HIPK1: variants seen among roughly 807,000 people sequenced by gnomAD.
The protein encoded by HIPK1 is homeodomain interacting protein kinase 1.
In HIPK1, 28 loss-of-function variants were observed where a neutral mutation model predicts 117.1. The ratio of observed to expected loss-of-function variants is 0.24; its 90% CI spans 0.18 to 0.33. The LOEUF (loss-of-function observed/expected upper bound fraction) is 0.33, where lower values mean the gene tolerates loss of function less well. Among genes scored for constraint, HIPK1 ranks in the 10% least tolerant of loss-of-function variants. The pLI, the probability that HIPK1 is intolerant of heterozygous loss-of-function variation, is 1.00. For synonymous variants in HIPK1, 605 were observed against 562.5 expected (o/e 1.08, Z -1.07); for missense variants, 1,122 against 1,475.1 (o/e 0.76, Z 3.92).
Position 113,940,577 on chromosome 1 carries a change from T to G in HIPK1, c.194T>G (p.Phe65Cys). 6.2e-7 allele frequency: 1 copy of G among 1,614,066 alleles called. No individual in the cohort carries two copies. Among genetic ancestry groups the G allele is most frequent in the Non-Finnish European group, 8.5e-7 (1 of 1,180,000 alleles). Residue 65 changes from phenylalanine (F) to cysteine (C), a missense_variant, in exon 2 of 16, where the codon TTC becomes TGC. Transcript: ENST00000426820. ...AACTCCTCTCACCAGGTAGCAAATTTCAACATCCCTGCTTACGACCAGGGC... is the reference window on the plus strand; with the variant it reads ...AACTCCTCTCACCAGGTAGCAAATTGCAACATCCCTGCTTACGACCAGGGC... ...QANSSHQVAN[F>C]NIPAYDQGLL...
chr1:113,973,410 C>T lies in HIPK1; in HGVS notation c.3531C>T (p.His1177=), dbSNP rs767992651. Reference sequence around the variant, plus strand: ...GCGTGGCCCCTGCTCAGTACCAACACCAGTTTGCCACCCAATCCTACATTG... The same window carrying T: ...GCGTGGCCCCTGCTCAGTACCAACATCAGTTTGCCACCCAATCCTACATTG... ...SASVAPAQYQ[H]QFATQSYIGS... is the part of the protein sequence containing the mutation. Residue 1177 remains histidine, a synonymous_variant, in exon 16 of 16, where the codon CAC becomes CAT. Coordinates refer to ENST00000426820, the MANE Select transcript of HIPK1 (RefSeq NM_198268.3). 1.2e-6 allele frequency: 2 copies of T among 1,614,044 alleles called. No homozygotes were observed. The highest frequency in any genetic ancestry group is 1.3e-5 in the African/African-American group (1 of 74,930).
At position 113,938,111 on chromosome 1, in the gene HIPK1, TG is replaced by T. The variant is rs547018319; in HGVS notation, c.-2-2270del. ...TCCTGAGTAGCTGGGACCACAGGCATGTGCCACTTACACTTGGCTTTTTTTT... is the reference window on the plus strand; with the variant it reads ...TCCTGAGTAGCTGGGACCACAGGCATTGCCACTTACACTTGGCTTTTTTTT... On this transcript the variant is annotated intron_variant, in intron 1 of 15. Coordinates refer to ENST00000426820, the MANE Select transcript of HIPK1 (RefSeq NM_198268.3). Among the ~76,000 whole-genome samples, 97 of 150,596 alleles carry T rather than the reference TG, an allele frequency of 6.4e-4. 1 individual carries two copies. The highest frequency in any genetic ancestry group is 2.3e-3 in the African/African-American group (95 of 41,022).
In HIPK1 at chr1:113,973,225, G is replaced by A. The variant is rs750424986; in HGVS notation, c.3346G>A (p.Ala1116Thr). The A allele has an allele frequency of 1.2e-6, 2 of 1,613,978 alleles. No individual in the cohort carries two copies. The highest frequency in any genetic ancestry group is 1.1e-5 in the South Asian group (1 of 91,066). Residue 1116 changes from alanine to threonine, a missense_variant, in exon 16 of 16, where the codon GCC becomes ACC. Ala to Thr is a moderately conservative substitution (Grantham distance 58, BLOSUM62 0). Around this residue, in one of 6 missense-constraint regions of HIPK1, gnomAD observed 731 missense variants for 860.4 expected, o/e 0.85. Transcript: ENST00000426820. Reference sequence around the variant, plus strand: ...CCAGGCTCATCTGTATACGTATGCTGCCCCGACTTCTGCTGCTGCACTGGG... The same window carrying A: ...CCAGGCTCATCTGTATACGTATGCTACCCCGACTTCTGCTGCTGCACTGGG... ...PSQAHLYTYA[A>T]PTSAAALGST...
chr1:113,965,309 G>C (rs1296777095), intron 10 of HIPK1, among the ~76,000 whole-genome samples: 1 of 151,858 alleles, frequency 6.6e-6, no homozygotes, highest in Non-Finnish European at 1.5e-5. Flanking sequence ...AAAAATGCCA[G>C]AATTTCTGTG....
chr1:113,932,858 T>C (rs887317469), intron 1 of HIPK1, among the ~76,000 whole-genome samples: 1 of 152,238 alleles, frequency 6.6e-6, no homozygotes, highest in African/African-American at 2.4e-5. Flanking sequence ...GCAAAAGTCA[T>C]CTCATTCTTC....
chr1:113,929,774 C>T (rs1453477951), intron 1 of HIPK1: 31 of 915,466 alleles, frequency 3.4e-5, no homozygotes, highest in Non-Finnish European at 3.9e-5. Flanking sequence ...TGAGGAGGCT[C>T]CCCCTGCGGG....
At chr1:113,942,354 C>T (rs1558129599) in intron 2 of HIPK1, among the ~76,000 whole-genome samples, 1 of 152,218 alleles carries the variant, frequency 6.6e-6, no homozygotes, top group Non-Finnish European at 1.5e-5. Context: ...CCATGCCCAG[C>T]CATTTTCCCA....
At chr1:113,968,330 A>G (rs1672590065) in intron 12 of HIPK1, 112 bp from the exon 13 acceptor site, 9 of 793,226 alleles carry the variant, frequency 1.1e-5, no homozygotes, top group Admixed American at 3.8e-5. Context: ...TATTTGCTTA[A>G]TGATTATGTA....
intron 1 of HIPK1, among the ~76,000 whole-genome samples, chr1:113,937,285 A>T (rs1187411769): frequency 6.6e-6 from 1 of 152,214 alleles, no homozygotes. Flanking sequence ...TTCTAGTTGT[A>T]TTCAGGCACA....
At chr1:113,957,357 A>C in intron 7 of HIPK1, 71 bp downstream of exon 7, 1 of 1,270,954 alleles carries the variant, frequency 7.9e-7, no homozygotes, top group Non-Finnish European at 1.1e-6. Flanking sequence ...AGGGCAAGGT[A>C]AAGAACCAAT....
chr1:113,961,482 A>C (rs1672098402), intron 8 of HIPK1, among the ~76,000 whole-genome samples: 1 of 152,214 alleles, frequency 6.6e-6, no homozygotes, highest in East Asian at 1.9e-4. Flanking sequence ...GGACTAGGTT[A>C]TATTTTTTGA....
In HIPK1 at chr1:113,967,968, G is replaced by C; in HGVS notation, c.2564+20G>C. The C allele has an allele frequency of 1.9e-6, 3 of 1,596,216 alleles. No homozygotes were observed. In the African/African-American group the frequency reaches 4.0e-5, roughly 22 times the overall value. ...TTCCAAGTGAGTCTGTGTTACAGCT[G>C]ATAGTTAAAACTGTGCCAGTTTGAG... On this transcript the variant is annotated intron_variant, in intron 12 of 15. Transcript: ENST00000426820.
chr1:113,966,001 T>C (rs1672419387), intron 10 of HIPK1, 129 bp from the exon 11 acceptor site: 1 of 862,344 alleles, frequency 1.2e-6, no homozygotes, highest in African/African-American at 1.7e-5. Flanking sequence ...CTTTCTTTTT[T>C]AATCTCTGCA....
intron 8 of HIPK1, among the ~76,000 whole-genome samples, chr1:113,960,319 G>C (rs1672014568): frequency 6.6e-6 from 1 of 152,174 alleles, no homozygotes; most frequent in Non-Finnish European, 1.5e-5. Flanking sequence ...CCTTCCAACA[G>C]TGTTGCCTTT....
At position 113,953,426 on chromosome 1, in the gene HIPK1, A is replaced by G. The variant is rs115319740; in HGVS notation, c.1200+537A>G. Among the ~76,000 whole-genome samples, 1,018 of 152,356 alleles carry G rather than the reference A, an allele frequency of 6.7e-3. 10 individuals are homozygous for G. Among genetic ancestry groups the G allele is most frequent in the Middle Eastern group, 0.02 (6 of 294 alleles). ...TAAAAATAGACAAACTTTAGGAGATATGGTATAATTTCCTAAGGAATTGGT... is the reference window on the plus strand; with the variant it reads ...TAAAAATAGACAAACTTTAGGAGATGTGGTATAATTTCCTAAGGAATTGGT... On this transcript the variant is annotated intron_variant, in intron 3 of 15. Coordinates refer to ENST00000426820, the MANE Select transcript of HIPK1 (RefSeq NM_198268.3).
rs780821599 is a variant in HIPK1, at chr1:113,956,825, A to G, written c.1592+14A>G. 6.2e-7 allele frequency: 1 copy of G among 1,610,868 alleles called. No individual in the cohort carries two copies. The highest frequency in any genetic ancestry group is 1.1e-5 in the South Asian group (1 of 90,750). On this transcript the variant is annotated intron_variant, in intron 6 of 15. Coordinates refer to ENST00000426820, the MANE Select transcript of HIPK1 (RefSeq NM_198268.3). ...ACATAGCAATCAGTGAGTATGGAATATTCTGGGGCTTTTGCCATGTGGTTC... is the reference window on the plus strand; with the variant it reads ...ACATAGCAATCAGTGAGTATGGAATGTTCTGGGGCTTTTGCCATGTGGTTC...
At chr1:113,972,912 G>C in intron 15 of HIPK1, 112 bp from the exon 16 acceptor site, 1 of 1,189,604 alleles carries the variant, frequency 8.4e-7, no homozygotes. Context: ...GAGATTATGT[G>C]CTATACCCAT....
intron 1 of HIPK1, among the ~76,000 whole-genome samples, chr1:113,938,929 T>TATACACACACACACAC (rs1301679078): frequency 6.8e-4 from 79 of 115,478 alleles, no homozygotes; most frequent in African/African-American, 2.5e-3. Flanking sequence ...AAAAAAAAAA[T>TATACACACACACACAC]ACACACACAC....
At chr1:113,949,003 A>G (rs995971023) in intron 2 of HIPK1, among the ~76,000 whole-genome samples, 2 of 151,880 alleles carry the variant, frequency 1.3e-5, no homozygotes, top group African/African-American at 4.8e-5. Flanking sequence ...ATGCCCAGCT[A>G]ATTTTTGTAT....
Sources: allele counts gnomAD v4.1 joint callset (sites outside exome capture counted in the v4.1 genomes callset), GRCh38; gene constraint gnomAD v4.1.1; regional missense constraint gnomAD v4.1.1; transcripts MANE v1.5; gene names NCBI Gene and HGNC (gene_info 2026-07-23, HGNC 2026-07-21).